Variants in XRN2 observed in about 807,000 individuals in gnomAD.
The protein encoded by XRN2 is 5'-3' exoribonuclease 2.
XRN2 carries 44 observed loss-of-function variants against 138.5 expected under a neutral mutation model. That is an observed-to-expected ratio of 0.32 (90% CI 0.25 to 0.41). The LOEUF (loss-of-function observed/expected upper bound fraction) is 0.41, where lower values mean the gene tolerates loss of function less well. XRN2 is among the 10% of genes least tolerant of loss of function. XRN2 has a pLI of 1.00. For synonymous variants in XRN2, 354 were observed against 369.4 expected, an observed-to-expected ratio of 0.96 and a Z score of 0.48; for missense variants, 937 against 1,169.3, an observed-to-expected ratio of 0.80 and a Z score of 2.90.
chr20:21,370,070 A>G (rs1042088865), intron 27 of XRN2, among the ~76,000 whole-genome samples: 3 of 152,214 alleles, frequency 2.0e-5, no homozygotes, highest in South Asian at 2.1e-4. Context: ...ATTCTTCTGC[A>G]TATGGATATC....
At chr20:21,313,109 T>C (rs1217777824) in intron 1 of XRN2, among the ~76,000 whole-genome samples, 1 of 152,264 alleles carries the variant, frequency 6.6e-6, no homozygotes, top group Non-Finnish European at 1.5e-5. Context: ...GCGGAGACTC[T>C]GCTTTTTGTT....
At chr20:21,346,653 CCT>C in intron 17 of XRN2, 103 bp downstream of exon 17, 2 of 1,425,540 alleles carry the variant, frequency 1.4e-6, no homozygotes, top group Non-Finnish European at 9.5e-7. Context: ...GGAGTCTTGC[CCT>C]GTCACCTGGG....
chr20:21,340,520 G>A (rs2038357329), intron 14 of XRN2, among the ~76,000 whole-genome samples: 1 of 152,112 alleles, frequency 6.6e-6, no homozygotes, highest in African/African-American at 2.4e-5. Flanking sequence ...AAGTATTATA[G>A]GCTATTGTTT....
At chr20:21,321,255 G>A (rs577727476) in intron 1 of XRN2, among the ~76,000 whole-genome samples, 9 of 147,426 alleles carry the variant, frequency 6.1e-5, no homozygotes, top group East Asian at 6.0e-4. Context: ...GCTCTGTCTC[G>A]GTGTCCCGAA....
chr20:21,346,908 C>T (rs1335354538), intron 17 of XRN2, among the ~76,000 whole-genome samples: 3 of 152,116 alleles, frequency 2.0e-5, no homozygotes, highest in Non-Finnish European at 2.9e-5. Context: ...TGAACCACTG[C>T]GTCCAGCCCA....
chr20:21,352,565 A>G (rs952532840), intron 20 of XRN2, among the ~76,000 whole-genome samples: 1 of 152,134 alleles, frequency 6.6e-6, no homozygotes, highest in Non-Finnish European at 1.5e-5. Context: ...TCCTGACCTC[A>G]GGTGATCCGC....
chr20:21,339,185 G>T, intron 14 of XRN2, 97 bp downstream of exon 14: 3 of 1,276,668 alleles, frequency 2.3e-6, no homozygotes, highest in East Asian at 4.8e-5. Flanking sequence ...TGTCCAGTAG[G>T]ACTTAGTCAG....
At chr20:21,310,223 T>G (rs2037861247) in intron 1 of XRN2, among the ~76,000 whole-genome samples, 1 of 152,258 alleles carries the variant, frequency 6.6e-6, no homozygotes, top group Admixed American at 6.5e-5. Flanking sequence ...TGACTTAATT[T>G]TCACACACAT....
chr20:21,369,880 T>A (rs1407111603), intron 27 of XRN2, among the ~76,000 whole-genome samples: 1 of 152,188 alleles, frequency 6.6e-6, no homozygotes, highest in Non-Finnish European at 1.5e-5. Context: ...TTGATGTGAT[T>A]ACATTTGTTC....
At chr20:21,319,254 T>A (rs2038005033) in intron 1 of XRN2, among the ~76,000 whole-genome samples, 1 of 152,152 alleles carries the variant, frequency 6.6e-6, no homozygotes, top group Non-Finnish European at 1.5e-5. Context: ...ATCCATTTAC[T>A]TTTACTCTTT....
intron 14 of XRN2, among the ~76,000 whole-genome samples, chr20:21,340,033 T>TA (rs1438467373): frequency 2.0e-5 from 3 of 152,214 alleles, no homozygotes; most frequent in Non-Finnish European, 4.4e-5. Flanking sequence ...GTCAGTATCT[T>TA]AGTCAGCCAA....
chr20:21,353,264 A>C (rs1257812957), intron 20 of XRN2, among the ~76,000 whole-genome samples: 244 of 13,078 alleles, frequency 0.019, 1 homozygote, highest in Middle Eastern at 0.1. Flanking sequence ...ATATATATAT[A>C]TCTCTTAAAT....
Position 21,381,981 on chromosome 20 carries a change from G to T in XRN2, c.2585-13G>T. On this transcript the variant is annotated splice_polypyrimidine_tract_variant and intron_variant, in intron 27 of 29. Transcript: ENST00000377191. The stretch of plus-strand genomic sequence containing the variant: ...TTAAAAATCTTCTTAACCCTTTCCT[G>T]TTTCTTTTTCAGATATGAGGCCCCA... 6.2e-7 allele frequency: 1 copy of T among 1,602,020 alleles called. No homozygotes were observed. The highest frequency in any genetic ancestry group is 8.5e-7 in the Non-Finnish European group (1 of 1,174,644).
intron 9 of XRN2, among the ~76,000 whole-genome samples, chr20:21,332,655 G>A (rs1438288869): frequency 1.3e-5 from 2 of 152,006 alleles, no homozygotes; most frequent in Non-Finnish European, 2.9e-5. Flanking sequence ...TCACAGAGAT[G>A]TATCTTTTTT....
intron 15 of XRN2, among the ~76,000 whole-genome samples, chr20:21,341,572 C>G (rs2122235794): frequency 6.6e-6 from 1 of 152,262 alleles, no homozygotes; most frequent in African/African-American, 2.4e-5. Context: ...GGAAATAGAC[C>G]ATGAGCTCTC....
intron 26 of XRN2, among the ~76,000 whole-genome samples, chr20:21,367,702 A>G (rs980781794): frequency 6.6e-6 from 1 of 152,196 alleles, no homozygotes. Flanking sequence ...ACACTATGTA[A>G]ACATTAGTTG....
intron 24 of XRN2, 107 bp downstream of exon 24, chr20:21,357,899 C>A: frequency 1.1e-6 from 1 of 901,076 alleles, no homozygotes; most frequent in Non-Finnish European, 1.7e-6. Context: ...GTTAATCCAC[C>A]AATGCTTCGA....
At position 21,339,076 on chromosome 20, in the gene XRN2, A is replaced by G; in HGVS notation, c.1266A>G (p.Arg422=). ...DSFRRRQKEK[R]KRMKRDQPAF... ...TTAGAAGACGACAGAAAGAAAAAAG[A>G]AAGAGAATGAAGGTGAGTTTTAATT... The change falls in exon 14 of 30, where the codon AGA becomes AGG. Residue 422 remains arginine (R), a synonymous_variant. Coordinates refer to ENST00000377191, the MANE Select transcript of XRN2 (RefSeq NM_012255.5). The G allele has an allele frequency of 6.2e-7, 1 of 1,605,756 alleles. No homozygotes were observed. Among genetic ancestry groups the G allele is most frequent in the Non-Finnish European group, 8.5e-7 (1 of 1,175,464 alleles).
At chr20:21,319,145 C>A (rs2038003107) in intron 1 of XRN2, among the ~76,000 whole-genome samples, 1 of 152,052 alleles carries the variant, frequency 6.6e-6, no homozygotes, top group African/African-American at 2.4e-5. Context: ...CTCTTTACCT[C>A]CAGTAACATT....
Sources: gnomAD v4.1 joint callset for allele counts (sites outside exome capture counted in the v4.1 genomes callset) on GRCh38, gnomAD v4.1.1 for gene constraint, MANE v1.5 for transcripts, NCBI Gene and HGNC (gene_info 2026-07-23, HGNC 2026-07-21) for gene names.